Variants in VTI1A observed in about 807,000 individuals in gnomAD.
The protein encoded by VTI1A is vesicle transport through interaction with t-SNAREs 1A, also known as vesicle transport through interaction with t-SNAREs homolog 1A.
VTI1A carries 22 observed loss-of-function variants against 34.9 expected under a neutral mutation model. The observed-to-expected ratio is 0.63, with a 90% CI of 0.45 to 0.90. VTI1A has a LOEUF of 0.90. Among genes scored for constraint, VTI1A ranks in the 40% least tolerant of loss-of-function variants. VTI1A has a pLI of 0.00. For synonymous variants in VTI1A, 87 were observed against 97.3 expected (o/e 0.89, Z 0.62); for missense variants, 268 against 275.6 (o/e 0.97, Z 0.20).
intron 5 of VTI1A, among the ~76,000 whole-genome samples, chr10:112,605,963 CA>C (rs1845060492): frequency 6.6e-6 from 1 of 151,984 alleles, no homozygotes; most frequent in African/African-American, 2.4e-5. Context: ...CAAAACTCTT[CA>C]AACAAAACAA....
intron 3 of VTI1A, among the ~76,000 whole-genome samples, chr10:112,521,510 G>A (rs1475316147): frequency 2.0e-5 from 3 of 151,934 alleles, no homozygotes; most frequent in Non-Finnish European, 4.4e-5. Flanking sequence ...TGTTAGGGTA[G>A]GTTTGCATTT....
intron 5 of VTI1A, among the ~76,000 whole-genome samples, chr10:112,607,888 G>A (rs929000762): frequency 6.6e-6 from 1 of 152,232 alleles, no homozygotes; most frequent in African/African-American, 2.4e-5. Context: ...ATAAGTGAGT[G>A]TTCTCACAAC....
In VTI1A at chr10:112,474,155, G is replaced by A. The variant is rs1315712801; in HGVS notation, c.264+9498G>A. 5.3e-5 allele frequency among the ~76,000 whole-genome samples: 8 copies of A among 151,970 alleles called. No homozygotes were observed. The Middle Eastern group carries it at 0.014, about 258-fold the overall frequency. ...CAGCTCACTGCAAGCTCCGCCTCCC[G>A]GGCTCATGCCATTCTCCTGCCTCAG... On this transcript the variant is annotated intron_variant, in intron 3 of 7. Transcript: ENST00000393077.
At chr10:112,518,663 A>ATG (rs1032957674) in intron 3 of VTI1A, among the ~76,000 whole-genome samples, 4 of 147,088 alleles carry the variant, frequency 2.7e-5, no homozygotes, top group South Asian at 2.2e-4. Flanking sequence ...ATATATATAT[A>ATG]TATATACACA....
At chr10:112,537,461 G>A (rs1260316487) in intron 4 of VTI1A, among the ~76,000 whole-genome samples, 1 of 151,154 alleles carries the variant, frequency 6.6e-6, no homozygotes, top group Non-Finnish European at 1.5e-5. Context: ...TCTCAATGGA[G>A]GAAAGAAAGT....
chr10:112,582,492 TCTTG>T (rs1425642612), intron 5 of VTI1A, among the ~76,000 whole-genome samples: 2 of 152,148 alleles, frequency 1.3e-5, no homozygotes, highest in Non-Finnish European at 2.9e-5. Flanking sequence ...TCTCTGGTCA[TCTTG>T]CTTGTGAGCC....
At chr10:112,510,663 A>C (rs1056886437) in intron 3 of VTI1A, among the ~76,000 whole-genome samples, 5 of 152,130 alleles carry the variant, frequency 3.3e-5, no homozygotes, top group African/African-American at 9.7e-5. Context: ...CCACCACCAC[A>C]AAAACAATTA....
chr10:112,684,834 G>A (rs898585770), intron 7 of VTI1A, among the ~76,000 whole-genome samples: 3 of 152,094 alleles, frequency 2.0e-5, no homozygotes, highest in Non-Finnish European at 4.4e-5. Flanking sequence ...TTCAAGAAAG[G>A]TATATGATTT....
chr10:112,462,409 G>T (rs1847755814), intron 2 of VTI1A, among the ~76,000 whole-genome samples: 1 of 152,068 alleles, frequency 6.6e-6, no homozygotes, highest in African/African-American at 2.4e-5. Flanking sequence ...TTTTAATTTA[G>T]TTTTAAATAT....
chr10:112,469,152 G>A (rs17129824), intron 3 of VTI1A, among the ~76,000 whole-genome samples: 17,041 of 152,050 alleles, frequency 0.11, 1,066 homozygotes, highest in African/African-American at 0.14. Context: ...GCTTCTTCAC[G>A]TGTCTAATAA....
chr10:112,803,672 G>A (rs1852960309), intron 7 of VTI1A, among the ~76,000 whole-genome samples: 1 of 152,158 alleles, frequency 6.6e-6, no homozygotes, highest in Non-Finnish European at 1.5e-5. Flanking sequence ...AGGCTGAGGT[G>A]GGAGGATCAC....
chr10:112,660,183 C>T (rs1166104080), intron 5 of VTI1A, among the ~76,000 whole-genome samples: 1 of 152,160 alleles, frequency 6.6e-6, no homozygotes, highest in African/African-American at 2.4e-5. Flanking sequence ...ACACTGCAAC[C>T]TCTGCCTCCC....
intron 7 of VTI1A, among the ~76,000 whole-genome samples, chr10:112,726,043 C>G (rs1401842373): frequency 6.6e-6 from 1 of 152,144 alleles, no homozygotes; most frequent in African/African-American, 2.4e-5. Flanking sequence ...GTCTAGACAC[C>G]AAGGGTAGAT....
chr10:112,722,899 T>A (rs1043449173), intron 7 of VTI1A, among the ~76,000 whole-genome samples: 1 of 152,206 alleles, frequency 6.6e-6, no homozygotes, highest in Non-Finnish European at 1.5e-5. Context: ...TAATTCAGCT[T>A]CTTGTCTAGC....
At chr10:112,849,717 A>T in the VTI1A span, among the ~76,000 whole-genome samples, 12 of 152,316 alleles carry the variant, frequency 7.9e-5, no homozygotes, top group East Asian at 1.3e-3. Context: ...ATTCTGTCAA[A>T]TATTGCATGG....
At chr10:112,830,367 C>T in the VTI1A span, among the ~76,000 whole-genome samples, 1 of 151,412 alleles carries the variant, frequency 6.6e-6, no homozygotes, top group Admixed American at 6.6e-5. Context: ...ACACTCCAAG[C>T]TCTTTCTCCC....
chr10:112,497,206 T>C (rs1849058159), intron 3 of VTI1A, among the ~76,000 whole-genome samples: 1 of 151,772 alleles, frequency 6.6e-6, no homozygotes, highest in Non-Finnish European at 1.5e-5. Flanking sequence ...TAATCCCAGG[T>C]ACTCGGGAGG....
intron 5 of VTI1A, among the ~76,000 whole-genome samples, chr10:112,620,715 A>G (rs1432241142): frequency 6.6e-6 from 1 of 151,718 alleles, no homozygotes; most frequent in Non-Finnish European, 1.5e-5. Flanking sequence ...GCTTGAACCC[A>G]GGAGGCAGAG....
chr10:112,780,297 TAAATA>T (rs939847044), intron 7 of VTI1A, among the ~76,000 whole-genome samples: 7 of 145,054 alleles, frequency 4.8e-5, no homozygotes, highest in African/African-American at 1.8e-4. Flanking sequence ...AATAAATAAA[TAAATA>T]AATAAATAAA....
Sources: gnomAD v4.1 joint callset for allele counts (sites outside exome capture counted in the v4.1 genomes callset) on GRCh38, gnomAD v4.1.1 for gene constraint, MANE v1.5 for transcripts, NCBI Gene and HGNC (gene_info 2026-07-23, HGNC 2026-07-21) for gene names.